CSMD3: variants seen among roughly 807,000 people sequenced by gnomAD.
The protein encoded by CSMD3 is CUB and Sushi multiple domains 3.
CSMD3 carries 177 observed loss-of-function variants against 435.2 expected under a neutral mutation model. That is an observed-to-expected ratio of 0.41 (90% CI 0.36 to 0.46). CSMD3 has a LOEUF of 0.46. Ranked by LOEUF, CSMD3 falls within the 20% of genes least tolerant of loss-of-function variation. CSMD3 has a pLI of 0.34. For missense variants in CSMD3, 4,265 were observed against 4,504.6 expected (o/e 0.95, Z 1.52); for synonymous variants, 1,656 against 1,520.5 (o/e 1.09, Z -2.07).
chr8:112,648,960 C>T (rs2075053413), intron 19 of CSMD3, among the ~76,000 whole-genome samples: 2 of 152,202 alleles, frequency 1.3e-5, no homozygotes, highest in South Asian at 2.1e-4. Context: ...GAATACCTTC[C>T]CTGGGATTTT....
At chr8:112,266,961 C>T (rs559419337) in intron 59 of CSMD3, among the ~76,000 whole-genome samples, 5 of 152,080 alleles carry the variant, frequency 3.3e-5, no homozygotes, top group Non-Finnish European at 5.9e-5. Flanking sequence ...TCTTTTGGTT[C>T]ATAAAAGGGT....
At chr8:112,257,059 A>G (rs1815878127) in intron 61 of CSMD3, among the ~76,000 whole-genome samples, 1 of 152,208 alleles carries the variant, frequency 6.6e-6, no homozygotes, top group African/African-American at 2.4e-5. Flanking sequence ...GGATTTTTAA[A>G]CCTCCTTTTA....
rs369654787 is a variant in CSMD3, at chr8:113,257,125, C to A, written c.514+21467G>T. ...TGGAAAAGAATAAATAAAAACAAAA[C>A]GGGCCGGGCGCAGTGGCTCATGCCT... On this transcript the variant is annotated intron_variant, in intron 3 of 70. Coordinates refer to ENST00000297405, the MANE Select transcript of CSMD3 (RefSeq NM_198123.2). Among the ~76,000 whole-genome samples, 21 of 152,080 alleles carry A rather than the reference C, an allele frequency of 1.4e-4. No individual in the cohort carries two copies. The South Asian group carries it at 4.4e-3, about 32-fold the overall frequency.
At chr8:112,653,448 G>A (rs972493726) in intron 18 of CSMD3, among the ~76,000 whole-genome samples, 6 of 151,706 alleles carry the variant, frequency 4.0e-5, no homozygotes, top group African/African-American at 1.5e-4. Context: ...ATGTCTATAC[G>A]TTTGTTCTGT....
In CSMD3 at chr8:112,478,968, G is replaced by A. The variant is rs56961451; in HGVS notation, c.5279-6261C>T. 5.2e-3 allele frequency among the ~76,000 whole-genome samples: 792 copies of A among 152,220 alleles called. 9 individuals are homozygous for A. The highest frequency in any genetic ancestry group is 0.015 in the African/African-American group (609 of 41,536). ...GAGAGAACTGCCCGACTGTGAGATTGGGGTACCACCTCCTGCATCCCCTCT... is the reference window on the plus strand; with the variant it reads ...GAGAGAACTGCCCGACTGTGAGATTAGGGTACCACCTCCTGCATCCCCTCT... On this transcript the variant is annotated intron_variant, in intron 31 of 70. Transcript: ENST00000297405.
chr8:113,228,079 TA>T (rs2093047679), intron 3 of CSMD3, among the ~76,000 whole-genome samples: 1 of 151,638 alleles, frequency 6.6e-6, no homozygotes, highest in Non-Finnish European at 1.5e-5. Context: ...TTTTTTGGTA[TA>T]TTTTTATGTT....
At chr8:113,041,608 A>T (rs1246028557) in intron 5 of CSMD3, among the ~76,000 whole-genome samples, 3 of 152,112 alleles carry the variant, frequency 2.0e-5, no homozygotes, top group Admixed American at 1.3e-4. Context: ...TATCATTTTT[A>T]TTATCAACTG....
At chr8:113,272,175 T>C (rs1263878731) in intron 3 of CSMD3, among the ~76,000 whole-genome samples, 2 of 152,198 alleles carry the variant, frequency 1.3e-5, no homozygotes, top group Admixed American at 6.5e-5. Flanking sequence ...GACTTTGGAC[T>C]GTGGACTTCT....
At chr8:112,894,906 A>T (rs2081907003) in intron 10 of CSMD3, among the ~76,000 whole-genome samples, 1 of 151,450 alleles carries the variant, frequency 6.6e-6, no homozygotes, top group Non-Finnish European at 1.5e-5. Context: ...TAGATAAGCA[A>T]TCACTAACAC....
intron 13 of CSMD3, among the ~76,000 whole-genome samples, chr8:112,788,036 G>T (rs1312924290): frequency 6.6e-6 from 1 of 152,002 alleles, no homozygotes; most frequent in Non-Finnish European, 1.5e-5. Flanking sequence ...TACACTGTAG[G>T]CCTGTATCAA....
intron 4 of CSMD3, among the ~76,000 whole-genome samples, chr8:113,148,071 G>A (rs1265405966): frequency 6.6e-6 from 1 of 151,414 alleles, no homozygotes; most frequent in Non-Finnish European, 1.5e-5. Context: ...ATTGCTCTTA[G>A]GATAAATTTA....
intron 10 of CSMD3, among the ~76,000 whole-genome samples, chr8:112,891,045 T>G (rs1003709628): frequency 6.6e-6 from 1 of 151,654 alleles, no homozygotes; most frequent in Admixed American, 6.6e-5. Flanking sequence ...ATAGTCACAT[T>G]CCATCAGAGA....
intron 22 of CSMD3, among the ~76,000 whole-genome samples, chr8:112,636,476 ATCTG>A (rs1212538353): frequency 9.8e-5 from 11 of 111,702 alleles, no homozygotes; most frequent in South Asian, 8.4e-4. Flanking sequence ...TTCTATTTCT[ATCTG>A]TCTATCTGTC....
intron 4 of CSMD3, among the ~76,000 whole-genome samples, chr8:113,111,249 T>G (rs2131596665): frequency 6.6e-6 from 1 of 152,258 alleles, no homozygotes; most frequent in East Asian, 1.9e-4. Flanking sequence ...TATATATATA[T>G]TTATGGGGTA....
At chr8:112,812,121 T>C (rs1213982634) in intron 12 of CSMD3, among the ~76,000 whole-genome samples, 1 of 152,138 alleles carries the variant, frequency 6.6e-6, no homozygotes, top group African/African-American at 2.4e-5. Flanking sequence ...GTCTATCTAA[T>C]TGATGCAGCC....
intron 36 of CSMD3, among the ~76,000 whole-genome samples, chr8:112,390,132 A>G (rs980010269): frequency 6.6e-6 from 1 of 152,204 alleles, no homozygotes. Context: ...TTTGGAACGG[A>G]TATGATTGCA....
At chr8:113,418,737 C>T (rs543855976) in intron 1 of CSMD3, among the ~76,000 whole-genome samples, 78 of 152,332 alleles carry the variant, frequency 5.1e-4, no homozygotes, top group African/African-American at 1.8e-3. Flanking sequence ...GCAGTTTCCT[C>T]TGCAGACTAA....
At chr8:112,748,987 ACCT>A (rs2077504867) in intron 13 of CSMD3, among the ~76,000 whole-genome samples, 2 of 152,138 alleles carry the variant, frequency 1.3e-5, no homozygotes. Flanking sequence ...TTTCTCCACA[ACCT>A]CACCATCATC....
chr8:112,693,898 T>G (rs549501029), intron 13 of CSMD3, among the ~76,000 whole-genome samples: 22 of 151,784 alleles, frequency 1.4e-4, no homozygotes, highest in African/African-American at 5.3e-4. Flanking sequence ...AATACACATA[T>G]ACACACACAT....
Sources: gnomAD v4.1 joint callset for allele counts (sites outside exome capture counted in the v4.1 genomes callset) on GRCh38, gnomAD v4.1.1 for gene constraint, MANE v1.5 for transcripts, NCBI Gene and HGNC (gene_info 2026-07-23, HGNC 2026-07-21) for gene names.